Variants in EPM2A observed in about 807,000 individuals in gnomAD.
EPM2A encodes laforin.
EPM2A carries 21 observed loss-of-function variants against 26.5 expected under a neutral mutation model. That is an observed-to-expected ratio of 0.79 (90% CI 0.56 to 1.14). The LOEUF (loss-of-function observed/expected upper bound fraction) is 1.14. Among genes scored for constraint, EPM2A ranks in the 50% most tolerant of loss-of-function variants. EPM2A has a pLI of 0.00. For missense variants in EPM2A, 458 were observed against 440.8 expected, an observed-to-expected ratio of 1.04 and a Z score of -0.35; for synonymous variants, 217 against 177.6, an observed-to-expected ratio of 1.22 and a Z score of -1.76.
At chr6:145,604,361 T>C (rs1389925515) in intron 2 of EPM2A, among the ~76,000 whole-genome samples, 1 of 152,140 alleles carries the variant, frequency 6.6e-6, no homozygotes, top group Non-Finnish European at 1.5e-5. Context: ...TATTAGATGT[T>C]TGGATACCTT....
chr6:145,718,157 C>A (rs975469212), intron 1 of EPM2A, among the ~76,000 whole-genome samples: 12 of 152,010 alleles, frequency 7.9e-5, no homozygotes, highest in Non-Finnish European at 1.3e-4. Flanking sequence ...GCCTGCATTG[C>A]CAAGTCAATC....
chr6:145,532,154 C>T, intron 2 of EPM2A, among the ~76,000 whole-genome samples: 1 of 152,178 alleles, frequency 6.6e-6, no homozygotes, highest in East Asian at 1.9e-4. Flanking sequence ...CAATGACTGC[C>T]TCGCCTAACA....
At chr6:145,583,866 G>C (rs982783679) in intron 2 of EPM2A, among the ~76,000 whole-genome samples, 3 of 152,254 alleles carry the variant, frequency 2.0e-5, no homozygotes, top group African/African-American at 7.2e-5. Context: ...ATTAGTGCAG[G>C]CAGGAGCACT....
chr6:145,570,612 C>T (rs1323154076), intron 2 of EPM2A, among the ~76,000 whole-genome samples: 2 of 152,208 alleles, frequency 1.3e-5, no homozygotes, highest in African/African-American at 2.4e-5. Flanking sequence ...GTATTGATGA[C>T]TGCCTTCTTC....
intron 1 of EPM2A, among the ~76,000 whole-genome samples, chr6:145,727,405 T>G (rs1341098927): frequency 6.6e-6 from 1 of 152,180 alleles, no homozygotes; most frequent in Non-Finnish European, 1.5e-5. Context: ...AGCCTCAATC[T>G]TCTTATTTAT....
chr6:145,429,196 G>T (rs959041390), intron 4 of EPM2A, among the ~76,000 whole-genome samples: 1 of 152,040 alleles, frequency 6.6e-6, no homozygotes, highest in Non-Finnish European at 1.5e-5. Context: ...ACCTCTCTCT[G>T]TTTCCATTTC....
chr6:145,393,535 G>A (rs997082310), intron 4 of EPM2A, among the ~76,000 whole-genome samples: 4 of 152,094 alleles, frequency 2.6e-5, no homozygotes, highest in Non-Finnish European at 5.9e-5. Context: ...GGGGTACTAC[G>A]ACGAAGGGAA....
At chr6:145,390,381 C>A (rs1778321606) in intron 4 of EPM2A, among the ~76,000 whole-genome samples, 2 of 151,744 alleles carry the variant, frequency 1.3e-5, no homozygotes, top group African/African-American at 4.8e-5. Flanking sequence ...GAACAAGTAT[C>A]TGGGCACCTG....
In EPM2A at chr6:145,507,769, T is replaced by G. The variant is rs80145878; in HGVS notation, c.341-5194A>C. Among the ~76,000 whole-genome samples the G allele has an allele frequency of 2.0e-3, 303 of 152,246 alleles. 3 individuals are homozygous for G. The highest frequency in any genetic ancestry group is 7.1e-3 in the African/African-American group (295 of 41,556). On this transcript the variant is annotated intron_variant, in intron 2 of 3. Coordinates refer to the EPM2A transcript ENST00000450221. ...TGGAGAGTGTCCCAGCAGTAGATGC[T>G]AGAATTAGGCTCTCTCTCACCACAA...
intron 2 of EPM2A, among the ~76,000 whole-genome samples, chr6:145,605,548 T>C (rs1775227696): frequency 6.6e-6 from 1 of 152,182 alleles, no homozygotes; most frequent in African/African-American, 2.4e-5. Flanking sequence ...AGGAGTATGA[T>C]TGTGCTGACT....
intron 2 of EPM2A, among the ~76,000 whole-genome samples, chr6:145,531,054 T>C (rs764633074): frequency 1.4e-4 from 22 of 152,226 alleles, no homozygotes; most frequent in Non-Finnish European, 2.6e-4. Flanking sequence ...GTGTCTCCAC[T>C]ATGGGAGTTC....
intron 2 of EPM2A, among the ~76,000 whole-genome samples, chr6:145,601,048 C>T (rs2128550119): frequency 6.6e-6 from 1 of 152,302 alleles, no homozygotes; most frequent in Middle Eastern, 3.4e-3. Context: ...TGCCTTAGCC[C>T]TAGAGGCAGG....
At chr6:145,731,170 T>C (rs577727926) in intron 1 of EPM2A, among the ~76,000 whole-genome samples, 70 of 152,340 alleles carry the variant, frequency 4.6e-4, no homozygotes, top group Non-Finnish European at 5.0e-4. Flanking sequence ...ATAACGATCT[T>C]AAGCCTGCTG....
At chr6:145,606,486 A>C (rs950981901) in intron 2 of EPM2A, among the ~76,000 whole-genome samples, 5 of 152,030 alleles carry the variant, frequency 3.3e-5, no homozygotes, top group Admixed American at 1.3e-4. Flanking sequence ...ATACTGTATT[A>C]AACTTTTAAA....
At position 145,625,365 on chromosome 6, in the gene EPM2A, CCATT is replaced by C. The variant is rs545527701; in HGVS notation, c.*2047_*2050del. 1.1e-4 allele frequency: 25 copies of C among 226,044 alleles called. No homozygotes were observed. The highest frequency in any genetic ancestry group is 1.1e-3 in the Admixed American group (21 of 19,352). 14.0% of individuals were successfully genotyped at this position (226,044 alleles called of 1,614,324 possible). A position where few individuals can be genotyped will look rare whatever the true frequency, so the allele number is the denominator to read the frequency against. On this transcript the variant is annotated 3_prime_UTR_variant, in exon 4 of 4. Transcript: ENST00000367519. ...GTGATTTTGAAATACATTAGACATCCCATTCATTGAGGAAAAAGACAGTTTATTC... is the reference window on the plus strand; with the variant it reads ...GTGATTTTGAAATACATTAGACATCCCATTGAGGAAAAAGACAGTTTATTC...
At chr6:145,717,509 T>G (rs1005568285) in intron 1 of EPM2A, among the ~76,000 whole-genome samples, 16 of 152,278 alleles carry the variant, frequency 1.1e-4, no homozygotes, top group African/African-American at 3.6e-4. Context: ...ACAGCTAATA[T>G]CATACTGAAT....
At chr6:145,389,729 G>GA (rs1778312453) in intron 4 of EPM2A, among the ~76,000 whole-genome samples, 1 of 152,088 alleles carries the variant, frequency 6.6e-6, no homozygotes, top group Non-Finnish European at 1.5e-5. Context: ...AAGCAGTGAA[G>GA]GTCTCCTACC....
At position 145,465,829 on chromosome 6, in the gene EPM2A, C is replaced by T. The variant is rs1317031964; in HGVS notation, c.555+36693G>A. On this transcript the variant is annotated intron_variant, in intron 4 of 4. Transcript: ENST00000638717. Reference sequence around the variant, plus strand: ...AACAGAACAGAGGCCTCAGAAATAACGCCGCATATCTACAACTATCTGATC... The same window carrying T: ...AACAGAACAGAGGCCTCAGAAATAATGCCGCATATCTACAACTATCTGATC... Among the ~76,000 whole-genome samples, 384 of 151,916 alleles carry T rather than the reference C, an allele frequency of 2.5e-3. 5 individuals are homozygous for T. The highest frequency in any genetic ancestry group is 8.8e-3 in the African/African-American group (365 of 41,310).
intron 1 of EPM2A, chr6:145,721,169 A>G (rs1775930021): frequency 6.6e-6 from 1 of 152,238 alleles, no homozygotes; most frequent in South Asian, 2.1e-4. Context: ...TCAAATAAAA[A>G]AGAGAAAAAA....
Sources: gnomAD v4.1 joint callset for allele counts (sites outside exome capture counted in the v4.1 genomes callset) on GRCh38, gnomAD v4.1.1 for gene constraint, MANE v1.5 for transcripts, NCBI Gene and HGNC (gene_info 2026-07-23, HGNC 2026-07-21) for gene names.